DOCK3: variants seen among roughly 807,000 people sequenced by gnomAD.
DOCK3 encodes the protein dedicator of cytokinesis 3.
Under a neutral mutation model 265.6 loss-of-function variants are expected in DOCK3, and 60 were observed. That is an observed-to-expected ratio of 0.23 (90% CI 0.18 to 0.28). The LOEUF is 0.28. Ranked by LOEUF, DOCK3 falls within the 10% of genes least tolerant of loss-of-function variation. The pLI, the probability that DOCK3 is intolerant of heterozygous loss-of-function variation, is 1.00. For missense variants in DOCK3, 1,981 were observed against 2,594.3 expected (o/e 0.76, Z 5.14); for synonymous variants, 881 against 938.0 (o/e 0.94, Z 1.11).
chr3:50,930,176 C>T (rs2050979660), intron 4 of DOCK3, among the ~76,000 whole-genome samples: 1 of 152,160 alleles, frequency 6.6e-6, no homozygotes, highest in Admixed American at 6.5e-5. Context: ...TAGCTAAAGA[C>T]CTAATAGATT....
chr3:51,175,390 C>CA (rs1342040262), intron 12 of DOCK3, among the ~76,000 whole-genome samples: 3 of 152,156 alleles, frequency 2.0e-5, no homozygotes, highest in African/African-American at 7.2e-5. Flanking sequence ...ATCTGGGTTA[C>CA]AGGGCCATTT....
intron 4 of DOCK3, among the ~76,000 whole-genome samples, chr3:50,893,986 G>A (rs1326059091): frequency 8.3e-6 from 1 of 121,036 alleles, no homozygotes; most frequent in Non-Finnish European, 1.7e-5. Context: ...GGTGAGGGGA[G>A]GGGGGAGGGG....
intron 2 of DOCK3, chr3:50,786,539 A>G (rs1275288401): frequency 1.7e-5 from 7 of 411,434 alleles, no homozygotes; most frequent in Admixed American, 6.2e-5. Flanking sequence ...CTCCTGGAGA[A>G]CACGCTTAAG....
rs7618926 is a variant in DOCK3 at position 50,919,510 on chromosome 3, C to G, written c.219-14471C>G. Among the ~76,000 whole-genome samples, 439 of 152,134 alleles carry G rather than the reference C, an allele frequency of 2.9e-3. 7 individuals carry two copies. Among genetic ancestry groups the G allele is most frequent in the African/African-American group, 9.1e-3 (379 of 41,528 alleles). On this transcript the variant is annotated intron_variant, in intron 4 of 52. Transcript: ENST00000266037. ...TATTCCTAGGTATTTTATTCTCTTT[C>G]AAGCAGTTGTGAATGGGAGTTCACT...
chr3:51,162,211 G>A (rs981493157), intron 12 of DOCK3, among the ~76,000 whole-genome samples: 8 of 151,986 alleles, frequency 5.3e-5, no homozygotes, highest in African/African-American at 1.7e-4. Context: ...CCATAATATC[G>A]TATAGATATT....
At chr3:51,341,427 C>G (rs756696465) in intron 38 of DOCK3, 42 bp downstream of exon 38, 2 of 1,607,420 alleles carry the variant, frequency 1.2e-6, no homozygotes, top group South Asian at 2.2e-5. Flanking sequence ...TCAGCTTCTG[C>G]TGTGATGCAT....
chr3:51,086,982 A>T (rs1486325097), intron 7 of DOCK3, among the ~76,000 whole-genome samples: 1 of 152,198 alleles, frequency 6.6e-6, no homozygotes, highest in African/African-American at 2.4e-5. Flanking sequence ...ATCAGTAATA[A>T]AAAGTCATTC....
intron 13 of DOCK3, among the ~76,000 whole-genome samples, chr3:51,213,161 T>G (rs2089606677): frequency 6.6e-6 from 1 of 152,132 alleles, no homozygotes; most frequent in Non-Finnish European, 1.5e-5. Flanking sequence ...ATTGTATTCA[T>G]TATCATAACA....
intron 15 of DOCK3, 29 bp from the exon 16 acceptor site, chr3:51,227,254 T>C (rs1273231935): frequency 3.7e-6 from 6 of 1,608,494 alleles, no homozygotes; most frequent in Non-Finnish European, 3.4e-6. Flanking sequence ...ACCAGGAAGA[T>C]GACATCTTAT....
At chr3:50,919,826 G>C (rs2050338291) in intron 4 of DOCK3, among the ~76,000 whole-genome samples, 1 of 152,136 alleles carries the variant, frequency 6.6e-6, no homozygotes, top group African/African-American at 2.4e-5. Context: ...CCTGTCTTGT[G>C]CCAGTTTTCA....
chr3:50,713,927 A>G (rs530053432), intron 1 of DOCK3, among the ~76,000 whole-genome samples: 26 of 152,284 alleles, frequency 1.7e-4, no homozygotes, highest in African/African-American at 5.8e-4. Flanking sequence ...GCAGGCCACC[A>G]TTATACCATT....
intron 4 of DOCK3, among the ~76,000 whole-genome samples, chr3:50,898,026 T>G (rs1189769531): frequency 9.3e-6 from 1 of 108,062 alleles, no homozygotes; most frequent in African/African-American, 3.7e-5. Context: ...CTTTTTCAGT[T>G]TTTTGGAATA....
intron 5 of DOCK3, among the ~76,000 whole-genome samples, chr3:51,023,414 GTTGTTGTTC>G (rs1270954787): frequency 6.6e-6 from 1 of 151,786 alleles, no homozygotes; most frequent in Non-Finnish European, 1.5e-5. Flanking sequence ...TTTTGTTGTC[GTTGTTGTTC>G]TTGTTGTTTT....
intron 49 of DOCK3, among the ~76,000 whole-genome samples, chr3:51,366,319 G>T (rs2087162191): frequency 6.6e-6 from 1 of 152,036 alleles, no homozygotes; most frequent in Non-Finnish European, 1.5e-5. Flanking sequence ...TATTTCTGTG[G>T]GATCGGTGGT....
At chr3:51,303,853 G>T (rs1474332693) in intron 27 of DOCK3, among the ~76,000 whole-genome samples, 1 of 152,062 alleles carries the variant, frequency 6.6e-6, no homozygotes, top group Non-Finnish European at 1.5e-5. Flanking sequence ...TATATAAGGT[G>T]TCTGGCAACC....
chr3:50,783,744 CT>C (rs551276231), intron 2 of DOCK3, among the ~76,000 whole-genome samples: 49 of 152,002 alleles, frequency 3.2e-4, no homozygotes, highest in African/African-American at 1.2e-3. Context: ...GTTTCATTTG[CT>C]TTTGTGTTTT....
chr3:51,297,117 CAAAAAAAAAAAAAAA>C (rs71633066), intron 27 of DOCK3, among the ~76,000 whole-genome samples: 1 of 65,906 alleles, frequency 1.5e-5, no homozygotes. Context: ...GACTCTGTCT[CAAAAAAAAAAAAAAA>C]AAAAAAAATC....
intron 49 of DOCK3, among the ~76,000 whole-genome samples, chr3:51,373,642 G>A (rs1039617118): frequency 6.6e-6 from 1 of 152,244 alleles, no homozygotes; most frequent in Non-Finnish European, 1.5e-5. Context: ...ATGTGGCATG[G>A]TGTGGCCTCC....
At chr3:51,268,079 G>A (rs563983954) in intron 23 of DOCK3, among the ~76,000 whole-genome samples, 40 of 152,140 alleles carry the variant, frequency 2.6e-4, no homozygotes, top group African/African-American at 9.4e-4. Context: ...ACCATGGCAC[G>A]TGTATACTTA....
Sources: gnomAD v4.1 joint callset for allele counts (sites outside exome capture counted in the v4.1 genomes callset) on GRCh38, gnomAD v4.1.1 for gene constraint, MANE v1.5 for transcripts, NCBI Gene and HGNC (gene_info 2026-07-23, HGNC 2026-07-21) for gene names.